Variants in COL4A4 observed in about 807,000 individuals in gnomAD.
The protein encoded by COL4A4 is collagen alpha-4(IV) chain.
In COL4A4, 105 loss-of-function variants were observed where a neutral mutation model predicts 192.9. The observed-to-expected ratio is 0.54, with a 90% CI of 0.46 to 0.64. COL4A4 has a LOEUF of 0.64. COL4A4 is among the 30% of genes least tolerant of loss of function. COL4A4 has a pLI of 0.00. For missense variants in COL4A4, 1,967 were observed against 2,169.3 expected (o/e 0.91, Z 1.85); for synonymous variants, 762 against 769.9 (o/e 0.99, Z 0.17).
chr2:227,007,168 A>G lies in COL4A4; in HGVS notation c.*157T>C, dbSNP rs1235974818. 9.6e-7 allele frequency: 1 copy of G among 1,036,392 alleles called. No homozygotes were observed. Among genetic ancestry groups the G allele is most frequent in the Admixed American group, 1.7e-5 (1 of 57,990 alleles). 64.2% of individuals were successfully genotyped at this position (1,036,392 alleles called of 1,614,324 possible). A position where few individuals can be genotyped will look rare whatever the true frequency, so the allele number is the denominator to read the frequency against. ...TCTGTGCAGCATTTGCTTAATGTGT[A>G]AGGAACCAGAGGACTCTGGGAATAA... On this transcript the variant is annotated 3_prime_UTR_variant, in exon 48 of 48. Coordinates refer to ENST00000396625, the MANE Select transcript of COL4A4 (RefSeq NM_000092.5).
intron 43 of COL4A4, among the ~76,000 whole-genome samples, chr2:227,022,781 A>G (rs1486621073): frequency 6.6e-6 from 1 of 152,244 alleles, no homozygotes; most frequent in African/African-American, 2.4e-5. Context: ...TTTACTTGAT[A>G]ATAGGATGTG....
At chr2:227,140,280 G>T in intron 3 of COL4A4, 42 bp from the exon 4 acceptor site, 1 of 1,507,286 alleles carries the variant, frequency 6.6e-7, no homozygotes, top group Non-Finnish European at 9.2e-7. Flanking sequence ...AGTACTCATC[G>T]TTTAACTACG....
At chr2:227,126,048 C>T (rs1191855667) in intron 4 of COL4A4, among the ~76,000 whole-genome samples, 6 of 152,026 alleles carry the variant, frequency 3.9e-5, no homozygotes, top group African/African-American at 7.3e-5. Flanking sequence ...AGGACTCAAC[C>T]GATCCAGATG....
chr2:226,980,327 G>T, the COL4A4 span, among the ~76,000 whole-genome samples: 1 of 152,270 alleles, frequency 6.6e-6, no homozygotes, highest in African/African-American at 2.4e-5. Context: ...ACCAGAGCGA[G>T]GTAGCAGAAG....
At chr2:227,157,990 A>G (rs894966894) in intron 1 of COL4A4, among the ~76,000 whole-genome samples, 1 of 152,120 alleles carries the variant, frequency 6.6e-6, no homozygotes, top group Non-Finnish European at 1.5e-5. Context: ...GAATATAAAC[A>G]TGACTCTCCT....
intron 42 of COL4A4, among the ~76,000 whole-genome samples, chr2:227,027,419 C>A (rs1209106376): frequency 9.0e-5 from 13 of 144,796 alleles, no homozygotes; most frequent in Admixed American, 7.2e-4. Context: ...TAGGTGGGAA[C>A]TGAACAATGA....
At chr2:226,988,593 C>T in the COL4A4 span, 1 of 1,364,110 alleles carries the variant, frequency 7.3e-7, no homozygotes, top group Non-Finnish European at 9.4e-7. Context: ...TCAGAAGAGG[C>T]CGGGGGCTCC....
chr2:227,082,554 C>T (rs746990891), intron 22 of COL4A4, among the ~76,000 whole-genome samples: 4 of 152,162 alleles, frequency 2.6e-5, no homozygotes, highest in Non-Finnish European at 5.9e-5. Flanking sequence ...GACTGTGCAA[C>T]GTCTTGTGAG....
chr2:227,030,113 A>G (rs1482899727), intron 41 of COL4A4, among the ~76,000 whole-genome samples: 2 of 151,632 alleles, frequency 1.3e-5, no homozygotes, highest in African/African-American at 2.4e-5. Flanking sequence ...TAAATCACAT[A>G]AAGTATGAAA....
chr2:227,042,668 C>G (rs1417067604), intron 36 of COL4A4, among the ~76,000 whole-genome samples: 1 of 152,130 alleles, frequency 6.6e-6, no homozygotes, highest in African/African-American at 2.4e-5. Context: ...TGCCTGTAAT[C>G]CCGGCACTTT....
intron 13 of COL4A4, among the ~76,000 whole-genome samples, chr2:227,103,566 G>A (rs2060644923): frequency 6.6e-6 from 1 of 152,218 alleles, no homozygotes; most frequent in Admixed American, 6.5e-5. Context: ...GCTGACAGAG[G>A]AATTAATATT....
chr2:227,111,010 A>C (rs2061172812), intron 9 of COL4A4, among the ~76,000 whole-genome samples: 1 of 152,192 alleles, frequency 6.6e-6, no homozygotes, highest in Non-Finnish European at 1.5e-5. Flanking sequence ...TAGTCTTGTA[A>C]ACATCGAAAA....
intron 7 of COL4A4, 66 bp from the exon 8 acceptor site, chr2:227,114,762 C>A: frequency 7.7e-7 from 1 of 1,290,554 alleles, no homozygotes; most frequent in Admixed American, 1.7e-5. Context: ...ATTTTCTTTT[C>A]TATATAAAAT....
rs1966096741 is a variant in COL4A4, at chr2:227,021,971, C to T, written c.4216+77G>A. ...AGTAGTTTAGGCTCCATATAAAAAG[C>T]TACAAAATAAAAGATCTAGAATTTC... On this transcript the variant is annotated intron_variant, in intron 44 of 47. Coordinates refer to ENST00000396625, the MANE Select transcript of COL4A4 (RefSeq NM_000092.5). 1.5e-5 allele frequency: 23 copies of T among 1,535,486 alleles called. 1 individual carries two copies. Among genetic ancestry groups the T allele is most frequent in the South Asian group, 2.4e-5 (2 of 84,232 alleles).
At chr2:227,148,221 A>G (rs1364863783) in intron 1 of COL4A4, among the ~76,000 whole-genome samples, 1 of 152,248 alleles carries the variant, frequency 6.6e-6, no homozygotes, top group Admixed American at 6.5e-5. Context: ...ATGGAAGCAT[A>G]TTCATAACAG....
In COL4A4 at chr2:227,060,239, C is replaced by T. The variant is rs558925851; in HGVS notation, c.2061G>A (p.Pro687=). 20 of 1,608,650 alleles carry T rather than the reference C, an allele frequency of 1.2e-5. No individual in the cohort carries two copies. Among genetic ancestry groups the T allele is most frequent in the African/African-American group, 4.0e-5 (3 of 74,680 alleles). ...GPPGFDGPPG[P]KGFPGPQGAP... is the part of the protein sequence containing the mutation. Reference sequence around the variant, plus strand: ...CACCTTGGGGACCTGGAAATCCCTTCGGACCTAAACAATAATAAAAACAAA... The same window carrying T: ...CACCTTGGGGACCTGGAAATCCCTTTGGACCTAAACAATAATAAAAACAAA... Residue 687 remains proline (P), a synonymous_variant, in exon 27 of 48, where the codon CCG becomes CCA. Transcript: ENST00000396625.
intron 25 of COL4A4, among the ~76,000 whole-genome samples, chr2:227,075,257 TACTGGCAA>T (rs1191208823): frequency 3.3e-5 from 5 of 152,108 alleles, no homozygotes; most frequent in Non-Finnish European, 5.9e-5. Flanking sequence ...CTCAATAAAA[TACTGGCAA>T]ACGGAATCCA....
At chr2:227,020,885 T>C (rs942397502) in intron 44 of COL4A4, among the ~76,000 whole-genome samples, 40 of 146,640 alleles carry the variant, frequency 2.7e-4, no homozygotes, top group Non-Finnish European at 4.5e-4. Flanking sequence ...TTTTTCTTTT[T>C]TTTTTTTTTT....
chr2:227,048,726 T>A (rs10187255), intron 34 of COL4A4, among the ~76,000 whole-genome samples: 77,969 of 151,936 alleles, frequency 0.51, 20,132 homozygotes, highest in South Asian at 0.63. Flanking sequence ...AATACAAGCA[T>A]GAAGGAAGTG....
Sources: gnomAD v4.1 joint callset for allele counts (sites outside exome capture counted in the v4.1 genomes callset) on GRCh38, gnomAD v4.1.1 for gene constraint, MANE v1.5 for transcripts, NCBI Gene and HGNC (gene_info 2026-07-23, HGNC 2026-07-21) for gene names.